The following SEC23A variants were observed in gnomAD, a reference collection of about 807,000 sequenced individuals.
The protein encoded by SEC23A is protein transport protein Sec23A.
SEC23A carries 56 observed loss-of-function variants against 103.7 expected under a neutral mutation model. That is an observed-to-expected ratio of 0.54 (90% CI 0.44 to 0.67). The LOEUF (loss-of-function observed/expected upper bound fraction) is 0.67. Among genes scored for constraint, SEC23A ranks in the 30% least tolerant of loss-of-function variants. The probability of loss-of-function intolerance (pLI) is 0.00; values close to 1 mark genes in which losing one functional copy is unlikely to be tolerated. For missense variants in SEC23A, 784 were observed against 936.4 expected (o/e 0.84, Z 2.12); for synonymous variants, 281 against 293.0 (o/e 0.96, Z 0.42).
At chr14:39,098,779 A>C (rs1173582504) in intron 1 of SEC23A, among the ~76,000 whole-genome samples, 1 of 151,914 alleles carries the variant, frequency 6.6e-6, no homozygotes, top group Non-Finnish European at 1.5e-5. Context: ...TTCTCAAAAA[A>C]AAAAAAAATT....
chr14:39,102,802 T>C (rs1325690052), intron 1 of SEC23A, among the ~76,000 whole-genome samples: 3 of 152,282 alleles, frequency 2.0e-5, no homozygotes, highest in Non-Finnish European at 1.5e-5. Flanking sequence ...TTTCCACATC[T>C]TTCCACCTAA....
At chr14:39,052,386 A>C (rs896670655) in intron 14 of SEC23A, among the ~76,000 whole-genome samples, 1 of 152,238 alleles carries the variant, frequency 6.6e-6, no homozygotes, top group African/African-American at 2.4e-5. Flanking sequence ...ACAATTCTAG[A>C]CATAAGTCTT....
rs1885646440 is a variant in SEC23A at position 39,041,537 on chromosome 14, T to C, written c.1987-650A>G. 2.8e-5 allele frequency: 4 copies of C among 144,052 alleles called. No individual in the cohort carries two copies. The South Asian group carries it at 9.0e-4, about 32-fold the overall frequency. 8.9% of individuals were successfully genotyped at this position (144,052 alleles called of 1,614,324 possible). On this transcript the variant is annotated intron_variant, in intron 17 of 19. Transcript: ENST00000307712. ...AAAGGGCATTAGAAACTGGTATCAATTAAAAATAATTTACAATAATAATAA... is the reference window on the plus strand; with the variant it reads ...AAAGGGCATTAGAAACTGGTATCAACTAAAAATAATTTACAATAATAATAA...
intron 19 of SEC23A, among the ~76,000 whole-genome samples, chr14:39,035,534 C>T (rs535870739): frequency 6.6e-6 from 1 of 152,278 alleles, no homozygotes; most frequent in Admixed American, 6.5e-5. Flanking sequence ...AGTCAAGTAA[C>T]TTGCAGAGTC....
At chr14:39,064,413 T>C (rs2139231044) in intron 11 of SEC23A, 1 of 154,714 alleles carries the variant, frequency 6.5e-6, no homozygotes, top group East Asian at 1.9e-4. Flanking sequence ...AAAATTCTGG[T>C]ATCAAAAATC....
chr14:39,075,835 A>G lies in SEC23A; in HGVS notation c.987+100T>C, dbSNP rs528419229. 1.3e-4 allele frequency: 128 copies of G among 980,090 alleles called. 1 individual carries two copies. The highest frequency in any genetic ancestry group is 9.4e-4 in the Middle Eastern group (4 of 4,272). 60.7% of individuals were successfully genotyped at this position (980,090 alleles called of 1,614,324 possible). ...AATACCAGTTATAGTATCAAACTGT[A>G]TAATACCAATTTCTATCAAAAACTA... On this transcript the variant is annotated intron_variant, in intron 8 of 19. Coordinates refer to ENST00000307712, the MANE Select transcript of SEC23A (RefSeq NM_006364.4).
At chr14:39,071,835 G>A (rs1376593845) in intron 9 of SEC23A, among the ~76,000 whole-genome samples, 1 of 152,184 alleles carries the variant, frequency 6.6e-6, no homozygotes, top group Non-Finnish European at 1.5e-5. Context: ...CTGCACTCCA[G>A]CCTGGGTGAC....
intron 18 of SEC23A, chr14:39,040,479 C>A: frequency 3.7e-6 from 2 of 536,154 alleles, no homozygotes; most frequent in Non-Finnish European, 3.3e-6. Flanking sequence ...ACAATGCCAT[C>A]CTGGCCCTGT....
intron 14 of SEC23A, among the ~76,000 whole-genome samples, chr14:39,053,381 AT>A (rs1886134888): frequency 6.6e-6 from 1 of 152,176 alleles, no homozygotes; most frequent in African/African-American, 2.4e-5. Flanking sequence ...GCTATCCTAA[AT>A]AAGCAAGGGT....
At position 39,088,942 on chromosome 14, in the gene SEC23A, G is replaced by C. The variant is rs148084723; in HGVS notation, c.604-1934C>G. ...CCAGCACTTTGGGAGGCCAAAGCAG[G>C]CAGATCACGAGGTCAGGAGATCAAG... On this transcript the variant is annotated intron_variant, in intron 5 of 19. Coordinates refer to ENST00000307712, the MANE Select transcript of SEC23A (RefSeq NM_006364.4). Among the ~76,000 whole-genome samples, 1,151 of 152,070 alleles carry C rather than the reference G, an allele frequency of 7.6e-3. 13 individuals carry two copies. The highest frequency in any genetic ancestry group is 0.025 in the African/African-American group (1,051 of 41,482).
intron 7 of SEC23A, among the ~76,000 whole-genome samples, chr14:39,081,678 T>C (rs1412637697): frequency 6.6e-6 from 1 of 152,106 alleles, no homozygotes; most frequent in African/African-American, 2.4e-5. Flanking sequence ...GAGTTACAAA[T>C]ATGGAAAAGT....
intron 7 of SEC23A, among the ~76,000 whole-genome samples, chr14:39,083,960 G>A (rs964365147): frequency 6.6e-6 from 1 of 152,094 alleles, no homozygotes; most frequent in Non-Finnish European, 1.5e-5. Flanking sequence ...TACACTTCTT[G>A]CATCTTTTCT....
chr14:39,043,053 T>C (rs555923327), intron 16 of SEC23A, among the ~76,000 whole-genome samples, 181 bp from the exon 17 acceptor site: 1 of 152,306 alleles, frequency 6.6e-6, no homozygotes, highest in African/African-American at 2.4e-5. Context: ...CTCAGCTCAC[T>C]GCAGCCTCAA....
intron 9 of SEC23A, among the ~76,000 whole-genome samples, chr14:39,071,236 T>TC (rs1253918446): frequency 3.9e-5 from 6 of 152,096 alleles, no homozygotes; most frequent in African/African-American, 1.4e-4. Flanking sequence ...TCCTAAGAAG[T>TC]CCACAGAAAA....
rs141373385 is a variant in SEC23A, at chr14:39,032,910, T to C, written c.*329A>G. On this transcript the variant is annotated 3_prime_UTR_variant, in exon 20 of 20. Coordinates refer to ENST00000307712, the MANE Select transcript of SEC23A (RefSeq NM_006364.4). ...GGTGAGCAAGAAAATTCAGTGCCAC[T>C]TTGGGTCTGTCTGCAATATACAAAT... 157 of 187,950 alleles carry C rather than the reference T, an allele frequency of 8.4e-4. 1 individual carries two copies. Among genetic ancestry groups the C allele is most frequent in the African/African-American group, 3.5e-3 (148 of 42,832 alleles). 11.6% of individuals were successfully genotyped at this position (187,950 alleles called of 1,614,324 possible). A position where few individuals can be genotyped will look rare whatever the true frequency, so the allele number is the denominator to read the frequency against.
chr14:39,092,871 T>G lies in SEC23A; in HGVS notation c.280-244A>C, dbSNP rs1887708583. ...CATTTGTTTGTTTGTTTGTTTTGTT[T>G]GTTTGTTTTTGAGACGGAGTCTTGC... On this transcript the variant is annotated intron_variant, in intron 3 of 19. Transcript: ENST00000307712. The G allele has an allele frequency of 6.7e-5, 34 of 508,476 alleles. No homozygotes were observed. In the South Asian group the frequency reaches 7.5e-4, roughly 11 times the overall value. 31.5% of individuals were successfully genotyped at this position (508,476 alleles called of 1,614,324 possible).
At chr14:39,059,291 A>ACAAAAAAC (rs1177297667) in intron 13 of SEC23A, among the ~76,000 whole-genome samples, 40 of 67,056 alleles carry the variant, frequency 6.0e-4, no homozygotes, top group South Asian at 2.5e-3. Flanking sequence ...AAAAAAAAAA[A>ACAAAAAAC]AAAAAAAAAA....
chr14:39,101,069 C>T (rs1180953687), intron 1 of SEC23A, among the ~76,000 whole-genome samples: 1 of 152,022 alleles, frequency 6.6e-6, no homozygotes, highest in African/African-American at 2.4e-5. Context: ...GTCTCGAACT[C>T]CTGACCTCAG....
rs57549556 is a variant in SEC23A at position 39,077,227 on chromosome 14, C to CAAAAAAAAAAA, written c.829-1145_829-1135dup. Among the ~76,000 whole-genome samples, 13 of 36,484 alleles carry CAAAAAAAAAAA rather than the reference C, an allele frequency of 3.6e-4. 1 individual carries two copies. The highest frequency in any genetic ancestry group is 1.7e-3 in the African/African-American group (13 of 7,816). The allele number at this position is 36,484 out of a possible 152,430, so 23.9% of individuals were successfully genotyped here. A position where few individuals can be genotyped will look rare whatever the true frequency, so the allele number is the denominator to read the frequency against. ...TGGGCAATGGAGCAAGACTCCATCT[C>CAAAAAAAAAAA]AAAAAAAAAAAAAAAAAAAAAAAAA... On this transcript the variant is annotated intron_variant, in intron 7 of 19. Coordinates refer to ENST00000307712, the MANE Select transcript of SEC23A (RefSeq NM_006364.4).
Sources: gnomAD v4.1 joint callset for allele counts (sites outside exome capture counted in the v4.1 genomes callset) on GRCh38, gnomAD v4.1.1 for gene constraint, MANE v1.5 for transcripts, NCBI Gene and HGNC (gene_info 2026-07-23, HGNC 2026-07-21) for gene names.